The following ATN1 variants were observed in gnomAD, a reference collection of about 807,000 sequenced individuals.
ATN1 encodes atrophin 1.
In ATN1, 19 loss-of-function variants were observed where a neutral mutation model predicts 85.8. The observed-to-expected ratio is 0.22, with a 90% confidence interval of 0.15 to 0.32. The LOEUF is 0.32. Ranked by LOEUF, ATN1 falls within the 10% of genes least tolerant of loss-of-function variation. The pLI is 1.00. For missense variants in ATN1, 1,453 were observed against 1,564.5 expected, an observed-to-expected ratio of 0.93 and a Z score of 1.20; for synonymous variants, 674 against 657.0, an observed-to-expected ratio of 1.03 and a Z score of -0.39.
At chr12:6,929,987 T>C (rs1555142916) in intron 1 of ATN1, among the ~76,000 whole-genome samples, 2 of 152,214 alleles carry the variant, frequency 1.3e-5, no homozygotes, top group Non-Finnish European at 2.9e-5. Context: ...ATGGCTGGGC[T>C]CCCAGGCCCA....
chr12:6,924,817 T>C (rs1945380748), upstream of ATN1, among the ~76,000 whole-genome samples: 1 of 152,180 alleles, frequency 6.6e-6, no homozygotes, highest in African/African-American at 2.4e-5. Context: ...CTGGGGTCCC[T>C]GATACCCATC....
chr12:6,941,256 TG>T lies in ATN1; in HGVS notation c.3359-117del. The T allele has an allele frequency of 1.5e-6, 2 of 1,325,670 alleles. No individual in the cohort carries two copies. The highest frequency in any genetic ancestry group is 2.1e-6 in the Non-Finnish European group (2 of 967,774). 82.1% of individuals were successfully genotyped at this position (1,325,670 alleles called of 1,614,324 possible). On this transcript the variant is annotated intron_variant, in intron 8 of 9. Transcript: ENST00000396684. This position sits in a 1 kb window ranked among gnomAD's most constrained non-coding sequence, Gnocchi z 5.9. ...ACCACTGGCAACTTACAGAACTGGG[TG>T]TGTTACCTCACTTTTTAGTTCATTA...
intron 1 of ATN1, among the ~76,000 whole-genome samples, chr12:6,932,690 A>G (rs1945480769): frequency 6.6e-6 from 1 of 152,220 alleles, no homozygotes; most frequent in Non-Finnish European, 1.5e-5. Context: ...TGAGTCTTTA[A>G]TCATTCATGT....
Position 6,936,231 on chromosome 12 carries a change from GCCC to G in ATN1, c.965_967del (p.Ala322_Gln323delinsGlu), listed in dbSNP as rs782772248. 4.4e-6 allele frequency: 7 copies of G among 1,604,278 alleles called. No individual in the cohort carries two copies. The Middle Eastern group carries it at 5.0e-4, about 114-fold the overall frequency. On this transcript the variant is annotated inframe_deletion, in exon 5 of 10. Transcript: ENST00000396684. ...ATCAGCCTCTCCCCCTGGCCTGGGGGCCCAACCACTACCTGGTCATCTGCCCTC... is the reference window on the plus strand; with the variant it reads ...ATCAGCCTCTCCCCCTGGCCTGGGGGAACCACTACCTGGTCATCTGCCCTC...
In ATN1 at chr12:6,934,000, G is replaced by T; in HGVS notation, c.-2G>T. 1 of 1,604,930 alleles carries T rather than the reference G, an allele frequency of 6.2e-7. No individual in the cohort carries two copies. The highest frequency in any genetic ancestry group is 8.5e-7 in the Non-Finnish European group (1 of 1,175,756). ...GAGAATGGGGTCTCCACAGCCTGAA[G>T]AATGAAGACACGACAGAATAAAGAC... On this transcript the variant is annotated 5_prime_UTR_variant, in exon 2 of 10. Coordinates refer to ENST00000396684, the MANE Select transcript of ATN1 (RefSeq NM_001940.4).
intron 1 of ATN1, among the ~76,000 whole-genome samples, chr12:6,932,236 A>G (rs782540555): frequency 6.6e-6 from 1 of 152,220 alleles, no homozygotes; most frequent in South Asian, 2.1e-4. Flanking sequence ...TTCTTGGGAA[A>G]AAATACACTA....
At chr12:6,933,673 T>C (rs1479438554) in intron 1 of ATN1, among the ~76,000 whole-genome samples, 167 bp from the exon 2 acceptor site, 7 of 152,206 alleles carry the variant, frequency 4.6e-5, no homozygotes, top group East Asian at 1.9e-4. Flanking sequence ...CCCTTTTAGA[T>C]AGCTAAGGTA....
chr12:6,939,485 G>A (rs1945605080), intron 7 of ATN1, among the ~76,000 whole-genome samples: 1 of 152,138 alleles, frequency 6.6e-6, no homozygotes, highest in Non-Finnish European at 1.5e-5. Flanking sequence ...ATTCTCCCAA[G>A]CCCTTCACAA....
Position 6,933,782 on chromosome 12 carries a change from G to C in ATN1, c.-162-58G>C. On this transcript the variant is annotated intron_variant, in intron 1 of 9. Coordinates refer to ENST00000396684, the MANE Select transcript of ATN1 (RefSeq NM_001940.4). ...GCTCAGTTCTCTGACAAGCAGAATA[G>C]TATTCCTTTGTGACTCTGTTCTCCA... 3 of 620,658 alleles carry C rather than the reference G, an allele frequency of 4.8e-6. No individual in the cohort carries two copies. In the South Asian group the frequency reaches 6.0e-5, roughly 12 times the overall value. 38.4% of individuals were successfully genotyped at this position (620,658 alleles called of 1,614,324 possible).
At chr12:6,925,141 T>TGAGA (rs112382496), upstream of ATN1, among the ~76,000 whole-genome samples, 1 of 147,556 alleles carries the variant, frequency 6.8e-6, no homozygotes, top group Admixed American at 6.7e-5. Flanking sequence ...TGTGTGTGTG[T>TGAGA]GAGAGAGAGA....
At chr12:6,928,926 G>A (rs955711280) in intron 1 of ATN1, among the ~76,000 whole-genome samples, 6 of 152,180 alleles carry the variant, frequency 3.9e-5, no homozygotes, top group African/African-American at 1.2e-4. Flanking sequence ...AAGAGGGATT[G>A]TGGCTGATGA....
rs782071230 is a variant in ATN1 at position 6,936,746 on chromosome 12, G to T, written c.1479G>T (p.Gln493His). Reference protein sequence around the residue: ...HQQQQQQQQQQQQQQQQQQQH... With the variant: ...HQQQQQQQQQHQQQQQQQQQH... The stretch of plus-strand genomic sequence containing the variant: ...AACAGCAACAGCAGCAGCAGCAGCA[G>T]CAGCAGCAGCAGCAGCAGCAGCAGC... Residue 493 changes from glutamine to histidine, a missense_variant, in exon 5 of 10, where the codon CAG (glutamine) becomes CAT (histidine). By Grantham distance (24) the Gln-to-His change is conservative (BLOSUM62 0). This residue lies in a region of ATN1 where 990 missense variants were observed against 914.8 expected (regional missense o/e 1.08). Coordinates refer to ENST00000396684, the MANE Select transcript of ATN1 (RefSeq NM_001940.4). The T allele has an allele frequency of 8.9e-7, 1 of 1,128,698 alleles. No homozygotes were observed. Among genetic ancestry groups the T allele is most frequent in the Non-Finnish European group, 1.2e-6 (1 of 811,480 alleles). 69.9% of individuals were successfully genotyped at this position (1,128,698 alleles called of 1,614,324 possible).
upstream of ATN1, among the ~76,000 whole-genome samples, chr12:6,927,134 A>T (rs1176621515): frequency 4.3e-5 from 3 of 70,542 alleles, no homozygotes; most frequent in Admixed American, 1.6e-4. Flanking sequence ...TCATCCCCCC[A>T]CCCCCAATTC....
intron 1 of ATN1, among the ~76,000 whole-genome samples, chr12:6,931,645 C>CGGA (rs1555143071): frequency 1.4e-5 from 2 of 142,948 alleles, no homozygotes; most frequent in Non-Finnish European, 3.0e-5. Flanking sequence ...ACCTGGGAGG[C>CGGA]GGAGGTGGCA....
chr12:6,929,555 G>T (rs1945437010), intron 1 of ATN1, among the ~76,000 whole-genome samples: 1 of 152,114 alleles, frequency 6.6e-6, no homozygotes, highest in Admixed American at 6.5e-5. Context: ...TGGTTGGGGG[G>T]GCTTCGAATG....
At chr12:6,925,141 TGAGAGAGA>T (rs112382496), upstream of ATN1, among the ~76,000 whole-genome samples, 255 of 147,646 alleles carry the variant, frequency 1.7e-3, no homozygotes, top group African/African-American at 6.0e-3. Flanking sequence ...TGTGTGTGTG[TGAGAGAGA>T]GAGAGAGAGA....
At chr12:6,929,742 A>G (rs782763731) in intron 1 of ATN1, among the ~76,000 whole-genome samples, 10 of 152,088 alleles carry the variant, frequency 6.6e-5, no homozygotes, top group Non-Finnish European at 1.3e-4. Flanking sequence ...AAGTCTCTCC[A>G]CCTGGGCATG....
rs139413568 is a variant in ATN1 at position 6,935,239 on chromosome 12, T to C, written c.280-308T>C. Among the ~76,000 whole-genome samples the C allele has an allele frequency of 3.0e-3, 453 of 151,962 alleles. 4 individuals are homozygous for C. The highest frequency in any genetic ancestry group is 0.01 in the African/African-American group (433 of 41,394). On this transcript the variant is annotated intron_variant, in intron 4 of 9. Coordinates refer to ENST00000396684, the MANE Select transcript of ATN1 (RefSeq NM_001940.4). The surrounding 1 kb of genome is among the most constrained non-coding windows in gnomAD (Gnocchi z 5.3). ...GGGGGATGGAGGATGGTTAAAGTGGTGGTTATGAGATGGTGGAAGACAGGG... is the reference window on the plus strand; with the variant it reads ...GGGGGATGGAGGATGGTTAAAGTGGCGGTTATGAGATGGTGGAAGACAGGG...
chr12:6,936,548 T>C lies in ATN1; in HGVS notation c.1281T>C (p.Tyr427=). Residue 427 remains tyrosine (Y), a synonymous_variant, in exon 5 of 10, where the codon TAT becomes TAC. Transcript: ENST00000396684. ...SLSVSNQPPK[Y]TQPSLPSQAV... is the part of the protein sequence containing the mutation. ...CTGTCTCCAATCAGCCCCCCAAGTATACTCAGCCTTCTCTCCCATCCCAGG... is the reference window on the plus strand; with the variant it reads ...CTGTCTCCAATCAGCCCCCCAAGTACACTCAGCCTTCTCTCCCATCCCAGG... 3 of 1,549,568 alleles carry C rather than the reference T, an allele frequency of 1.9e-6. No homozygotes were observed. The highest frequency in any genetic ancestry group is 1.8e-5 in the Admixed American group (1 of 56,758).
Sources: gnomAD v4.1 joint callset for allele counts (sites outside exome capture counted in the v4.1 genomes callset) on GRCh38, gnomAD v4.1.1 for gene constraint, gnomAD v4.1.1 regional missense constraint, Gnocchi (gnomAD v3.1) non-coding constraint, MANE v1.5 for transcripts, NCBI Gene and HGNC (gene_info 2026-07-23, HGNC 2026-07-21) for gene names.